Variants in ZBTB7C observed in about 807,000 individuals in gnomAD.
The protein encoded by ZBTB7C is zinc finger and BTB domain-containing protein 7C.
In ZBTB7C, 8 loss-of-function variants were observed where a neutral mutation model predicts 25.7. The observed-to-expected ratio is 0.31, with a 90% CI of 0.18 to 0.56. ZBTB7C has a LOEUF of 0.56. Among genes scored for constraint, ZBTB7C ranks in the 20% least tolerant of loss-of-function variants. ZBTB7C has a pLI of 0.91. For missense variants in ZBTB7C, 824 were observed against 855.2 expected (o/e 0.96, Z 0.46); for synonymous variants, 394 against 369.0 (o/e 1.07, Z -0.78).
chr18:48,294,554 T>C (rs572504663), intron 2 of ZBTB7C, among the ~76,000 whole-genome samples: 7 of 152,154 alleles, frequency 4.6e-5, no homozygotes, highest in Admixed American at 1.3e-4. Flanking sequence ...AGCGAGGCCA[T>C]TTGTGAGGAT....
rs560989866 is a variant in ZBTB7C at position 48,207,681 on chromosome 18, G to A, written c.-78-21686C>T. On this transcript the variant is annotated intron_variant, in intron 2 of 4. Transcript: ENST00000590800. ...GTTGCCCAGGCTGGTCTTGAACTCC[G>A]GAGCTCAAGCAATCCTCCCACCTCG... Among the ~76,000 whole-genome samples the A allele has an allele frequency of 1.1e-4, 16 of 151,798 alleles. 1 individual carries two copies. The South Asian group carries it at 1.5e-3, about 14-fold the overall frequency.
At chr18:48,366,589 A>G (rs910080980) in intron 1 of ZBTB7C, among the ~76,000 whole-genome samples, 1 of 152,254 alleles carries the variant, frequency 6.6e-6, no homozygotes, top group Non-Finnish European at 1.5e-5. Flanking sequence ...ACAAACACGT[A>G]CAAGTCCATA....
chr18:48,383,005 T>C (rs1463148344), intron 1 of ZBTB7C, among the ~76,000 whole-genome samples: 4 of 152,198 alleles, frequency 2.6e-5, no homozygotes, highest in Non-Finnish European at 5.9e-5. Flanking sequence ...ATTTTCTCCT[T>C]AATTTTGCCA....
intron 3 of ZBTB7C, among the ~76,000 whole-genome samples, chr18:48,089,565 C>A (rs531777072): frequency 6.6e-6 from 1 of 152,088 alleles, no homozygotes; most frequent in Non-Finnish European, 1.5e-5. Context: ...ATTCTGATGT[C>A]CACTCCAGTG....
At chr18:48,043,366 T>A (rs1275516702) in intron 3 of ZBTB7C, among the ~76,000 whole-genome samples, 1 of 152,196 alleles carries the variant, frequency 6.6e-6, no homozygotes, top group Non-Finnish European at 1.5e-5. Flanking sequence ...TGGCTAAACA[T>A]TGTGGTACAT....
intron 2 of ZBTB7C, among the ~76,000 whole-genome samples, chr18:48,303,029 A>C (rs923054523): frequency 2.0e-5 from 3 of 152,186 alleles, no homozygotes; most frequent in African/African-American, 7.2e-5. Flanking sequence ...CAGGCTGCCA[A>C]AGCTTCTGTC....
intron 3 of ZBTB7C, among the ~76,000 whole-genome samples, chr18:48,104,544 TATGTA>T (rs766872203): frequency 8.0e-4 from 91 of 113,078 alleles, no homozygotes; most frequent in South Asian, 1.5e-3. Context: ...AGTAAAGTTG[TATGTA>T]TGTATGTATG....
chr18:48,375,621 T>C (rs2047502770), intron 1 of ZBTB7C: 1 of 152,204 alleles, frequency 6.6e-6, no homozygotes, highest in African/African-American at 2.4e-5. Flanking sequence ...CAATTGCAGG[T>C]AGGAGTGGCA....
At chr18:48,075,518 G>A (rs948139097) in intron 3 of ZBTB7C, among the ~76,000 whole-genome samples, 13 of 152,176 alleles carry the variant, frequency 8.5e-5, no homozygotes, top group Admixed American at 5.2e-4. Context: ...TTCCCTCACC[G>A]TGGGCTTGGC....
intron 2 of ZBTB7C, among the ~76,000 whole-genome samples, chr18:48,330,903 T>C (rs1025034999): frequency 6.6e-6 from 1 of 152,114 alleles, no homozygotes; most frequent in East Asian, 1.9e-4. Context: ...CTGCAGAATG[T>C]GGGCGTGCGG....
chr18:48,092,369 T>C (rs2038451860), intron 3 of ZBTB7C, among the ~76,000 whole-genome samples: 1 of 152,254 alleles, frequency 6.6e-6, no homozygotes, highest in Non-Finnish European at 1.5e-5. Flanking sequence ...AACCTGTTTA[T>C]GCCAGTTGTA....
At chr18:48,333,588 A>AC (rs1362019662) in intron 2 of ZBTB7C, among the ~76,000 whole-genome samples, 1 of 152,184 alleles carries the variant, frequency 6.6e-6, no homozygotes, top group African/African-American at 2.4e-5. Context: ...AGTTTGTGAC[A>AC]CCCCCCTCTG....
chr18:48,044,128 A>G (rs1006881605), intron 3 of ZBTB7C, among the ~76,000 whole-genome samples: 4 of 152,152 alleles, frequency 2.6e-5, no homozygotes, highest in African/African-American at 9.7e-5. Flanking sequence ...CCCGTTGAAC[A>G]TGGTTCTTGT....
chr18:48,339,100 G>A (rs1038638258), intron 1 of ZBTB7C, among the ~76,000 whole-genome samples: 1 of 152,238 alleles, frequency 6.6e-6, no homozygotes, highest in African/African-American at 2.4e-5. Context: ...TGTCAGGAGG[G>A]GCCAAAGTCC....
chr18:48,101,211 G>A (rs1211512920), intron 3 of ZBTB7C, among the ~76,000 whole-genome samples: 2 of 152,176 alleles, frequency 1.3e-5, no homozygotes, highest in Non-Finnish European at 2.9e-5. Context: ...TGTGTCACCT[G>A]ATTCTACCCT....
At position 48,028,130 on chromosome 18, in the gene ZBTB7C, C is replaced by T. The variant is rs1051101804; in HGVS notation, c.*1130G>A. The stretch of plus-strand genomic sequence containing the variant: ...AACTCAAAAAACAAACAGATAAACC[C>T]TAGAAACCGGTGTTTTGTCTGTTGT... On this transcript the variant is annotated 3_prime_UTR_variant, in exon 5 of 5. Coordinates refer to ENST00000590800, the MANE Select transcript of ZBTB7C (RefSeq NM_001318841.2). The T allele has an allele frequency of 1.3e-5, 2 of 152,180 alleles. No individual in the cohort carries two copies. Among genetic ancestry groups the T allele is most frequent in the African/African-American group, 4.8e-5 (2 of 41,448 alleles). 9.4% of individuals were successfully genotyped at this position (152,180 alleles called of 1,614,324 possible).
Position 48,029,787 on chromosome 18 carries a change from C to A in ZBTB7C, c.1333G>T (p.Val445Leu), listed in dbSNP as rs761075831. The A allele has an allele frequency of 4.4e-6, 7 of 1,608,528 alleles. No individual in the cohort carries two copies. The East Asian group carries it at 1.6e-4, about 36-fold the overall frequency. ...CAGAACTCGCACTGGTAGGGCCGCA[C>A]GCCCGTGTGGATGCGCATGTGGTTC... ...LKNHMRIHTG[V>L]RPYQCEFCYK... The change falls in exon 5 of 5, where the codon GTG becomes TTG. Residue 445 changes from valine to leucine, a missense_variant. Val to Leu is a conservative substitution (Grantham distance 32). Around this residue, in one of 4 missense-constraint regions of ZBTB7C, gnomAD observed 342 missense variants for 307.0 expected, o/e 1.11. Coordinates refer to ENST00000590800, the MANE Select transcript of ZBTB7C (RefSeq NM_001318841.2).
chr18:48,087,645 A>G (rs1261571186), intron 3 of ZBTB7C: 3 of 151,872 alleles, frequency 2.0e-5, no homozygotes, highest in Non-Finnish European at 4.4e-5. Context: ...AGAAAAAAAA[A>G]TTAGCTGGGC....
intron 3 of ZBTB7C, among the ~76,000 whole-genome samples, chr18:48,167,649 C>A (rs559181411): frequency 6.6e-6 from 1 of 151,750 alleles, no homozygotes; most frequent in African/African-American, 2.4e-5. Context: ...TTCCAAGAAG[C>A]TTTTCAAAGC....
Sources: allele counts gnomAD v4.1 joint callset (sites outside exome capture counted in the v4.1 genomes callset), GRCh38; gene constraint gnomAD v4.1.1; regional missense constraint gnomAD v4.1.1; transcripts MANE v1.5; gene names NCBI Gene and HGNC (gene_info 2026-07-23, HGNC 2026-07-21).